The following CLCN5 variants were observed in gnomAD, a reference collection of about 807,000 sequenced individuals.
The protein encoded by CLCN5 is Cl-/H+ antiporter 5, also known as H(+)/Cl(-) exchange transporter 5.
Under a neutral mutation model 54.0 loss-of-function variants are expected in CLCN5, and 17 were observed. That is an observed-to-expected ratio of 0.31 (90% CI 0.22 to 0.47). CLCN5 has a LOEUF of 0.47. CLCN5 is among the 20% of genes least tolerant of loss of function. The probability of loss-of-function intolerance (pLI) is 1.00; values close to 1 mark genes in which losing one functional copy is unlikely to be tolerated. For synonymous variants in CLCN5, 222 were observed against 233.0 expected, an observed-to-expected ratio of 0.95 and a Z score of 0.43; for missense variants, 448 against 646.7, an observed-to-expected ratio of 0.69 and a Z score of 3.33.
rs782223401 is a variant in CLCN5, at chrX:49,946,229, A to C, written c.16+20915A>C. Among the ~76,000 whole-genome samples the C allele has an allele frequency of 3.6e-5, 4 of 112,443 alleles. No individual in the cohort carries two copies. In the East Asian group the frequency reaches 1.1e-3, roughly 31 times the overall value. On this transcript the variant is annotated intron_variant, in intron 3 of 14. Coordinates refer to ENST00000376091, the MANE Select transcript of CLCN5 (RefSeq NM_001127898.4). ...TGCTATATTTGTTTTCCGTTGCTGC[A>C]TAATGAATTACCACAAACTTAATTG...
At chrX:50,033,348 A>G (rs1557186141) in intron 3 of CLCN5, among the ~76,000 whole-genome samples, 2 of 111,534 alleles carry the variant, frequency 1.8e-5, no homozygotes, top group East Asian at 5.6e-4. Context: ...ATGTACAAAA[A>G]TCACAATCAT....
At chrX:49,971,622 G>A (rs988414821) in intron 3 of CLCN5, among the ~76,000 whole-genome samples, 2 of 111,534 alleles carry the variant, frequency 1.8e-5, no homozygotes, top group Non-Finnish European at 3.8e-5. Context: ...AGGGTGATCA[G>A]GACCCAGTGT....
chrX:50,016,883 C>G (rs955200501), intron 3 of CLCN5, among the ~76,000 whole-genome samples: 1 of 110,830 alleles, frequency 9.0e-6, no homozygotes, highest in African/African-American at 3.3e-5. Context: ...GCATTTAAGG[C>G]TCCTCATATC....
intron 4 of CLCN5, among the ~76,000 whole-genome samples, chrX:50,048,702 G>A (rs919986485): frequency 1.5e-4 from 17 of 110,385 alleles, no homozygotes; most frequent in African/African-American, 5.3e-4. Flanking sequence ...CATGCTCTAG[G>A]CTCATATTAT....
intron 3 of CLCN5, among the ~76,000 whole-genome samples, chrX:49,939,920 C>G (rs1264808357): frequency 9.0e-5 from 10 of 111,674 alleles, no homozygotes; most frequent in African/African-American, 3.3e-4. Context: ...GAATCTTATT[C>G]AGCAATCTCT....
chrX:49,956,231 C>A (rs1222533152), intron 3 of CLCN5, among the ~76,000 whole-genome samples: 2 of 111,827 alleles, frequency 1.8e-5, no homozygotes, highest in African/African-American at 6.5e-5. Flanking sequence ...GGCTGGCATG[C>A]CACTCACCCT....
chrX:49,980,428 C>G (rs925966233), intron 3 of CLCN5, among the ~76,000 whole-genome samples: 3 of 111,858 alleles, frequency 2.7e-5, no homozygotes, highest in Non-Finnish European at 1.9e-5. Context: ...AGCAGTTTCA[C>G]TTAATGGCTG....
intron 3 of CLCN5, among the ~76,000 whole-genome samples, chrX:50,025,861 G>A (rs1368098092): frequency 3.6e-5 from 4 of 111,476 alleles, no homozygotes; most frequent in African/African-American, 1.3e-4. Context: ...CTCTGTTGAT[G>A]TCCTGTTTTC....
At chrX:50,059,641 C>T (rs1181309185) in intron 4 of CLCN5, among the ~76,000 whole-genome samples, 1 of 110,669 alleles carries the variant, frequency 9.0e-6, no homozygotes, top group Non-Finnish European at 1.9e-5. Context: ...AGAAATAAAG[C>T]ATGTCAAACT....
At chrX:50,025,899 T>C (rs1557184938) in intron 3 of CLCN5, among the ~76,000 whole-genome samples, 1 of 112,110 alleles carries the variant, frequency 8.9e-6, no homozygotes, top group African/African-American at 3.2e-5. Flanking sequence ...CTCTAAGTTT[T>C]ATTACTTCTT....
At chrX:49,974,480 A>G (rs185844254) in intron 3 of CLCN5, among the ~76,000 whole-genome samples, 92 of 110,059 alleles carry the variant, frequency 8.4e-4, no homozygotes, top group African/African-American at 2.8e-3. Context: ...GAAAGGAAAC[A>G]TTTATTGACT....
rs1435442110 is a variant in CLCN5, at chrX:50,093,387, T to C, written c.*1168T>C. The C allele has an allele frequency of 8.9e-6, 1 of 112,216 alleles. No individual in the cohort carries two copies. Among genetic ancestry groups the C allele is most frequent in the Non-Finnish European group, 1.9e-5 (1 of 53,217 alleles). 9.2% of individuals were successfully genotyped at this position (112,216 alleles called of 1,213,427 possible). A position where few individuals can be genotyped will look rare whatever the true frequency, so the allele number is the denominator to read the frequency against. On this transcript the variant is annotated 3_prime_UTR_variant, in exon 15 of 15. Coordinates refer to ENST00000376091, the MANE Select transcript of CLCN5 (RefSeq NM_001127898.4). ...ATTAGGCTTGGGATGCTTCCAAATA[T>C]ATTCAAGGTGTTGGAACAGGATAGG...
intron 3 of CLCN5, chrX:50,003,376 C>A: frequency 5.9e-6 from 2 of 336,868 alleles, no homozygotes; most frequent in Non-Finnish European, 1.2e-5. Flanking sequence ...GCTTCCATGG[C>A]CACTGCTCCT....
At chrX:50,010,894 C>T (rs996794429) in intron 3 of CLCN5, 3 of 107,863 alleles carry the variant, frequency 2.8e-5, no homozygotes, top group Non-Finnish European at 1.9e-5. Context: ...TGGTTCCCTA[C>T]CTTCATGGAG....
intron 3 of CLCN5, among the ~76,000 whole-genome samples, chrX:49,975,299 C>A (rs1309359766): frequency 2.7e-5 from 3 of 111,437 alleles, no homozygotes; most frequent in Non-Finnish European, 5.7e-5. Flanking sequence ...CTTTAAGGGT[C>A]TGAGGCTAGT....
intron 3 of CLCN5, among the ~76,000 whole-genome samples, chrX:49,944,709 T>C (rs1307731240): frequency 8.9e-6 from 1 of 111,966 alleles, no homozygotes; most frequent in Non-Finnish European, 1.9e-5. Context: ...ATTACATTTA[T>C]TGATTTGCGT....
At chrX:49,929,181 G>T (rs1925510299) in intron 3 of CLCN5, among the ~76,000 whole-genome samples, 1 of 111,330 alleles carries the variant, frequency 9.0e-6, no homozygotes, top group Non-Finnish European at 1.9e-5. Context: ...TAGGTTCTTG[G>T]CTCATTGCTG....
At chrX:50,008,506 A>C (rs1557181919) in intron 3 of CLCN5, 2 of 355,311 alleles carry the variant, frequency 5.6e-6, no homozygotes, top group Non-Finnish European at 1.2e-5. Context: ...GGATTCTGAG[A>C]GCGAGAGCTT....
chrX:50,074,271 G>A (rs1471297812), intron 6 of CLCN5, among the ~76,000 whole-genome samples: 2 of 111,843 alleles, frequency 1.8e-5, no homozygotes, highest in African/African-American at 6.5e-5. Context: ...AGGAGAGAGA[G>A]GAAGGGTAAA....
Sources: allele counts gnomAD v4.1 joint callset (sites outside exome capture counted in the v4.1 genomes callset), GRCh38; gene constraint gnomAD v4.1.1; transcripts MANE v1.5; gene names NCBI Gene and HGNC (gene_info 2026-07-23, HGNC 2026-07-21).